PECR: variants seen among roughly 807,000 people sequenced by gnomAD.
PECR encodes peroxisomal trans-2-enoyl-CoA reductase.
Under a neutral mutation model 35.3 loss-of-function variants are expected in PECR, and 30 were observed. That is an observed-to-expected ratio of 0.85 (90% confidence interval 0.64 to 1.15). The LOEUF is 1.15. PECR is among the 50% of genes most tolerant of loss of function. The pLI, the probability that PECR is intolerant of heterozygous loss-of-function variation, is 0.00. For synonymous variants in PECR, 148 were observed against 138.9 expected, an observed-to-expected ratio of 1.07 and a Z score of -0.46; for missense variants, 392 against 370.8, an observed-to-expected ratio of 1.06 and a Z score of -0.47.
At chr2:216,054,823 T>C (rs1362580123) in intron 4 of PECR, among the ~76,000 whole-genome samples, 2 of 152,016 alleles carry the variant, frequency 1.3e-5, no homozygotes, top group Non-Finnish European at 2.9e-5. Context: ...TCAAAGATAC[T>C]TAATGTAGGC....
At chr2:216,042,991 ACATACGTATATGTG>A (rs1254312746) in intron 7 of PECR, among the ~76,000 whole-genome samples, 3 of 128,006 alleles carry the variant, frequency 2.3e-5, no homozygotes, top group African/African-American at 1.0e-4. Flanking sequence ...ATATATATAT[ACATACGTATATGTG>A]TATATATATA....
At chr2:216,066,566 C>A in intron 1 of PECR, 48 bp from the exon 2 acceptor site, 4 of 1,569,548 alleles carry the variant, frequency 2.5e-6, no homozygotes, top group African/African-American at 1.4e-5. Flanking sequence ...TCATGGGATG[C>A]AATGACCACA....
chr2:216,080,564 T>C (rs1448289701), intron 1 of PECR, among the ~76,000 whole-genome samples: 1 of 152,192 alleles, frequency 6.6e-6, no homozygotes, highest in Non-Finnish European at 1.5e-5. Context: ...AGCATAAACA[T>C]TGTGAAGGTT....
chr2:216,038,175 T>C (rs191571392), downstream of PECR, among the ~76,000 whole-genome samples: 3 of 152,278 alleles, frequency 2.0e-5, no homozygotes, highest in African/African-American at 7.2e-5. Context: ...GAAAGAACTT[T>C]GATTAAGACA....
intron 1 of PECR, among the ~76,000 whole-genome samples, chr2:216,071,139 C>T (rs2105966438): frequency 6.6e-6 from 1 of 152,302 alleles, no homozygotes; most frequent in East Asian, 1.9e-4. Flanking sequence ...TCTAGTCTCC[C>T]GTTCTGTGGT....
chr2:216,073,376 T>C (rs1416871746), intron 1 of PECR, among the ~76,000 whole-genome samples: 3 of 152,228 alleles, frequency 2.0e-5, no homozygotes, highest in African/African-American at 7.2e-5. Flanking sequence ...CTGTAGCCAC[T>C]GTAATGTCAT....
intron 7 of PECR, chr2:216,032,753 T>C (rs889107474): frequency 2.0e-5 from 3 of 152,254 alleles, no homozygotes; most frequent in Non-Finnish European, 2.9e-5. Context: ...ATAATTCATT[T>C]TGGGCTCAAT....
In PECR at chr2:216,065,440, C is replaced by A; in HGVS notation, c.296G>T (p.Gly99Val). 2 of 1,607,256 alleles carry A rather than the reference C, an allele frequency of 1.2e-6. No individual in the cohort carries two copies. The highest frequency in any genetic ancestry group is 1.7e-6 in the Non-Finnish European group (2 of 1,173,844). Residue 99 changes from glycine (G) to valine (V), a missense_variant, in exon 3 of 8, where the codon GGT (glycine) becomes GTT (valine). Coordinates refer to ENST00000265322, the MANE Select transcript of PECR (RefSeq NM_018441.6). ...NLVKSTLDTF[G>V]KINFLVNNGG... ...ATTGTTCACCAAGAAATTGATCTTA[C>A]CAAAAGTATCTAAGGTAGATTTGAC...
At chr2:216,067,237 T>C (rs548357789) in intron 1 of PECR, among the ~76,000 whole-genome samples, 1 of 152,132 alleles carries the variant, frequency 6.6e-6, no homozygotes, top group Non-Finnish European at 1.5e-5. Flanking sequence ...TCCAGAGATC[T>C]GCAGAGTCTC....
Position 216,038,931 on chromosome 2 carries a change from T to A in PECR, c.*344A>T. ...TGAGCCACTGCGTCTGGCCTCTACC[T>A]TTACAATTAAATAATAAAATCTTCT... On this transcript the variant is annotated 3_prime_UTR_variant, in exon 8 of 8. Coordinates refer to ENST00000265322, the MANE Select transcript of PECR (RefSeq NM_018441.6). The A allele has an allele frequency of 7.2e-6, 2 of 277,918 alleles. No homozygotes were observed. The highest frequency in any genetic ancestry group is 7.2e-5 in the South Asian group (2 of 27,776). The allele number at this position is 277,918 out of a possible 1,614,324, so 17.2% of individuals were successfully genotyped here.
At chr2:216,031,458 AG>A (rs1246304769) in intron 7 of PECR, among the ~76,000 whole-genome samples, 3 of 123,972 alleles carry the variant, frequency 2.4e-5, no homozygotes, top group African/African-American at 3.5e-5. Flanking sequence ...AAAGAAAGAG[AG>A]AAAGAAAGAA....
At chr2:216,032,459 T>C (rs1479121403) in intron 7 of PECR, among the ~76,000 whole-genome samples, 1 of 152,226 alleles carries the variant, frequency 6.6e-6, no homozygotes, top group Non-Finnish European at 1.5e-5. Flanking sequence ...GTTGACCCAG[T>C]TGGCTTATGC....
At position 216,079,059 on chromosome 2, in the gene PECR, A is replaced by T. The variant is rs148749392; in HGVS notation, c.124+2559T>A. ...AACTGATTCTGATTTTCTTACAGAT[A>T]TTCCTGAAAGAGGATAGAGCTTGGT... On this transcript the variant is annotated intron_variant, in intron 1 of 7. Coordinates refer to ENST00000265322, the MANE Select transcript of PECR (RefSeq NM_018441.6). Among the ~76,000 whole-genome samples, 781 of 152,150 alleles carry T rather than the reference A, an allele frequency of 5.1e-3. 9 individuals carry two copies. Among genetic ancestry groups the T allele is most frequent in the African/African-American group, 0.018 (732 of 41,514 alleles).
downstream of PECR, among the ~76,000 whole-genome samples, chr2:216,035,769 G>T (rs79564859): frequency 2.0e-5 from 3 of 152,130 alleles, no homozygotes; most frequent in Non-Finnish European, 2.9e-5. Context: ...TTCCAGGCAT[G>T]AGTCACTGCG....
intron 5 of PECR, among the ~76,000 whole-genome samples, chr2:216,049,864 G>T (rs1002705967): frequency 1.3e-5 from 2 of 152,166 alleles, no homozygotes; most frequent in Non-Finnish European, 2.9e-5. Flanking sequence ...ATTTTTCATT[G>T]TTTAGGAATT....
At chr2:216,066,072 C>T (rs113549702) in intron 2 of PECR, among the ~76,000 whole-genome samples, 1 of 152,088 alleles carries the variant, frequency 6.6e-6, no homozygotes, top group African/African-American at 2.4e-5. Flanking sequence ...TGCAGTGAGC[C>T]GATATAGTGC....
intron 4 of PECR, among the ~76,000 whole-genome samples, chr2:216,054,287 CA>C (rs1200177691): frequency 8.6e-5 from 6 of 69,850 alleles, no homozygotes; most frequent in Non-Finnish European, 8.8e-5. Flanking sequence ...AACTCCATCT[CA>C]AAAAAAAAAG....
intron 5 of PECR, chr2:216,050,749 A>G (rs1695098148): frequency 6.6e-6 from 1 of 152,234 alleles, no homozygotes; most frequent in Non-Finnish European, 1.5e-5. Context: ...AAAAATACAA[A>G]AATTAGCCAG....
At chr2:216,081,545 C>A (rs1695851091) in intron 1 of PECR, 73 bp downstream of exon 1, 6 of 1,593,030 alleles carry the variant, frequency 3.8e-6, no homozygotes, top group Middle Eastern at 1.7e-4. Context: ...CCGCCGAGAG[C>A]TCCTGGCTCC....
Sources: gnomAD v4.1 joint callset for allele counts (sites outside exome capture counted in the v4.1 genomes callset) on GRCh38, gnomAD v4.1.1 for gene constraint, MANE v1.5 for transcripts, NCBI Gene and HGNC (gene_info 2026-07-23, HGNC 2026-07-21) for gene names.